MAP3K13: variants seen among roughly 807,000 people sequenced by gnomAD.
MAP3K13 encodes the protein leucine zipper-bearing kinase.
MAP3K13 carries 52 observed loss-of-function variants against 104.0 expected under a neutral mutation model. The ratio of observed to expected loss-of-function variants is 0.50; its 90% CI spans 0.40 to 0.63. The LOEUF (loss-of-function observed/expected upper bound fraction) is 0.63, where lower values mean the gene tolerates loss of function less well. Ranked by LOEUF, MAP3K13 falls within the 20% of genes least tolerant of loss-of-function variation. The pLI is 0.00. For missense variants in MAP3K13, 914 were observed against 1,218.5 expected (o/e 0.75, Z 3.72); for synonymous variants, 394 against 442.2 (o/e 0.89, Z 1.37).
At chr3:185,389,554 T>TG (rs1389252080) in intron 1 of MAP3K13, among the ~76,000 whole-genome samples, 3 of 152,024 alleles carry the variant, frequency 2.0e-5, no homozygotes, top group Non-Finnish European at 2.9e-5. Context: ...GGGGAAATTT[T>TG]TTTTTAAAAA....
At chr3:185,455,178 A>ATATGAT (rs1359647901) in intron 7 of MAP3K13, among the ~76,000 whole-genome samples, 1 of 99,812 alleles carries the variant, frequency 1.0e-5, no homozygotes, top group African/African-American at 3.7e-5. Context: ...TGAGATATAT[A>ATATGAT]TGATATATAT....
intron 2 of MAP3K13, among the ~76,000 whole-genome samples, chr3:185,294,528 A>T (rs894473997): frequency 6.6e-6 from 1 of 152,230 alleles, no homozygotes; most frequent in Admixed American, 6.5e-5. Flanking sequence ...AAGATGTATA[A>T]TGTAGAATCC....
chr3:185,418,876 T>G lies in MAP3K13; in HGVS notation c.-85-9621T>G. On this transcript the variant is annotated intron_variant, in intron 1 of 13. Coordinates refer to ENST00000265026, the MANE Select transcript of MAP3K13 (RefSeq NM_004721.5). This position sits in a 1 kb window ranked among gnomAD's most constrained non-coding sequence, Gnocchi z 4.5. ...CATCTGTTTTGGGTTTCAGTTCTCT[T>G]AATCATGATCATTCTGCCTTTTCTA... The G allele has an allele frequency of 7.7e-7, 1 of 1,291,636 alleles. No homozygotes were observed. 80.0% of individuals were successfully genotyped at this position (1,291,636 alleles called of 1,614,324 possible). A position where few individuals can be genotyped will look rare whatever the true frequency, so the allele number is the denominator to read the frequency against.
Position 185,483,848 on chromosome 3 carries a change from G to T in MAP3K13, c.*1392G>T, listed in dbSNP as rs1448074072. The T allele has an allele frequency of 3.2e-5, 5 of 155,910 alleles. No individual in the cohort carries two copies. The South Asian group carries it at 8.3e-4, about 26-fold the overall frequency. 9.7% of individuals were successfully genotyped at this position (155,910 alleles called of 1,614,324 possible). A position where few individuals can be genotyped will look rare whatever the true frequency, so the allele number is the denominator to read the frequency against. On this transcript the variant is annotated 3_prime_UTR_variant, in exon 14 of 14. Coordinates refer to ENST00000265026, the MANE Select transcript of MAP3K13 (RefSeq NM_004721.5). ...CTGCCTCAGCCTCCCGAGTAGCTGG[G>T]ATTACAGGCGCCCGCAACCACGCCT...
At chr3:185,422,435 C>T (rs1009496569) in intron 1 of MAP3K13, among the ~76,000 whole-genome samples, 2 of 152,300 alleles carry the variant, frequency 1.3e-5, no homozygotes, top group African/African-American at 4.8e-5. Context: ...AAATATCAAA[C>T]GCGTATGATG....
At chr3:185,291,761 G>C in intron 2 of MAP3K13, 2 of 1,477,680 alleles carry the variant, frequency 1.4e-6, no homozygotes, top group Non-Finnish European at 1.8e-6. Flanking sequence ...TCTCACAAAA[G>C]TACAAGCTTA....
chr3:185,391,694 C>T (rs1712062512), intron 1 of MAP3K13, among the ~76,000 whole-genome samples: 1 of 152,116 alleles, frequency 6.6e-6, no homozygotes, highest in East Asian at 1.9e-4. Context: ...CTACTGTAGC[C>T]ATTTCATGTA....
intron 4 of MAP3K13, among the ~76,000 whole-genome samples, chr3:185,445,325 C>T (rs113245326): frequency 9.4e-4 from 143 of 152,296 alleles, no homozygotes; most frequent in African/African-American, 3.3e-3. Flanking sequence ...AACTTCAAAA[C>T]AGCTCTTATT....
intron 1 of MAP3K13, among the ~76,000 whole-genome samples, chr3:185,374,498 TG>T (rs1364483624): frequency 6.6e-6 from 1 of 152,138 alleles, no homozygotes; most frequent in Non-Finnish European, 1.5e-5. Context: ...GATACAGTTT[TG>T]GATGAATTGA....
chr3:185,345,025 G>A (rs1275482827), intron 2 of MAP3K13, among the ~76,000 whole-genome samples: 2 of 152,028 alleles, frequency 1.3e-5, no homozygotes, highest in African/African-American at 4.8e-5. Context: ...ACCATGCCCA[G>A]CTAATTTTTG....
intron 2 of MAP3K13, among the ~76,000 whole-genome samples, chr3:185,303,461 G>T (rs1323705943): frequency 6.6e-6 from 1 of 151,818 alleles, no homozygotes; most frequent in Non-Finnish European, 1.5e-5. Flanking sequence ...TGTTTTTGTT[G>T]TTGTTGGGAG....
At chr3:185,373,045 T>C (rs952608337) in intron 1 of MAP3K13, among the ~76,000 whole-genome samples, 1 of 152,184 alleles carries the variant, frequency 6.6e-6, no homozygotes, top group Non-Finnish European at 1.5e-5. Flanking sequence ...AGTTATGGAC[T>C]TGAATTGGCT....
upstream of MAP3K13, among the ~76,000 whole-genome samples, chr3:185,361,038 G>C (rs1347033983): frequency 6.6e-6 from 1 of 151,086 alleles, no homozygotes; most frequent in Non-Finnish European, 1.5e-5. Context: ...TGTTGGCCAG[G>C]CTTGTCTCAA....
At chr3:185,362,825 G>T (rs1206234172), upstream of MAP3K13, among the ~76,000 whole-genome samples, 1 of 152,036 alleles carries the variant, frequency 6.6e-6, no homozygotes, top group Non-Finnish European at 1.5e-5. Flanking sequence ...TAAAAGATGG[G>T]ATTTCTTCTA....
chr3:185,472,500 C>T (rs1577618773), intron 10 of MAP3K13, among the ~76,000 whole-genome samples: 1 of 152,090 alleles, frequency 6.6e-6, no homozygotes, highest in Admixed American at 6.6e-5. Context: ...CATTAGCCAC[C>T]GCACCCGGCC....
Position 185,479,159 on chromosome 3 carries a change from G to A in MAP3K13, c.2502-1073G>A, listed in dbSNP as rs1277716936. 2.0e-5 allele frequency among the ~76,000 whole-genome samples: 3 copies of A among 152,184 alleles called. No individual in the cohort carries two copies. The East Asian group carries it at 5.8e-4, about 29-fold the overall frequency. On this transcript the variant is annotated intron_variant, in intron 12 of 13. Transcript: ENST00000265026. ...AACTAGCTGGGCAGTACCCACAGCT[G>A]CAGAGTGAATGTTCCTTCCATGCTC...
intron 2 of MAP3K13, among the ~76,000 whole-genome samples, chr3:185,436,183 A>T (rs950693892): frequency 1.5e-4 from 23 of 152,228 alleles, no homozygotes; most frequent in African/African-American, 5.5e-4. Context: ...CATTTTATTC[A>T]TTATAAAAGT....
At position 185,437,637 on chromosome 3, in the gene MAP3K13, C is replaced by T; in HGVS notation, c.659+7C>T. Reference sequence around the variant, plus strand: ...CTAACATCATCGCATTCAAGTAGGTCAAGGCTTTTTTTTTTTAAGAAGTAG... The same window carrying T: ...CTAACATCATCGCATTCAAGTAGGTTAAGGCTTTTTTTTTTTAAGAAGTAG... On this transcript the variant is annotated splice_region_variant and intron_variant, in intron 3 of 13. Coordinates refer to ENST00000265026, the MANE Select transcript of MAP3K13 (RefSeq NM_004721.5). The T allele has an allele frequency of 7.0e-7, 1 of 1,437,136 alleles. No homozygotes were observed. Among genetic ancestry groups the T allele is most frequent in the Non-Finnish European group, 9.2e-7 (1 of 1,092,806 alleles). 89.0% of individuals were successfully genotyped at this position (1,437,136 alleles called of 1,614,324 possible).
chr3:185,413,745 C>G (rs959698322), intron 1 of MAP3K13, among the ~76,000 whole-genome samples: 1 of 152,108 alleles, frequency 6.6e-6, no homozygotes, highest in African/African-American at 2.4e-5. Flanking sequence ...TCATTTGAAC[C>G]CGGGAGGCAG....
Sources: gnomAD v4.1 joint callset for allele counts (sites outside exome capture counted in the v4.1 genomes callset) on GRCh38, gnomAD v4.1.1 for gene constraint, Gnocchi (gnomAD v3.1) non-coding constraint, MANE v1.5 for transcripts, NCBI Gene and HGNC (gene_info 2026-07-23, HGNC 2026-07-21) for gene names.